Variants in SEPTIN9 observed in about 807,000 individuals in gnomAD.
SEPTIN9 encodes the protein septin-9.
A neutral mutation model predicts 56.6 loss-of-function variants in SEPTIN9; 13 were observed. The observed-to-expected ratio is 0.23, with a 90% CI of 0.15 to 0.37. The LOEUF (loss-of-function observed/expected upper bound fraction) is 0.37, where lower values mean the gene tolerates loss of function less well. Ranked by LOEUF, SEPTIN9 falls within the 10% of genes least tolerant of loss-of-function variation. The probability of loss-of-function intolerance (pLI) is 1.00; values close to 1 mark genes in which losing one functional copy is unlikely to be tolerated. For synonymous variants in SEPTIN9, 332 were observed against 334.1 expected (o/e 0.99, Z 0.07); for missense variants, 650 against 823.1 (o/e 0.79, Z 2.57).
chr17:77,346,303 T>TTTTTTTTTTTTTTTTTC (rs2033893631), intron 2 of SEPTIN9, among the ~76,000 whole-genome samples: 1 of 144,210 alleles, frequency 6.9e-6, no homozygotes, highest in Non-Finnish European at 1.5e-5. Flanking sequence ...TTTTTTTTTT[T>TTTTTTTTTTTTTTTTTC]TTTTACTTCT....
rs569978181 is a variant in SEPTIN9, at chr17:77,355,976, C to G, written c.77-46083C>G. 4.8e-4 allele frequency among the ~76,000 whole-genome samples: 21 copies of G among 44,140 alleles called. 1 individual carries two copies. In the South Asian group the frequency reaches 0.034, roughly 71 times the overall value. The allele number at this position is 44,140 out of a possible 152,430, so 29.0% of individuals were successfully genotyped here. On this transcript the variant is annotated intron_variant, in intron 2 of 11. Coordinates refer to ENST00000427177, the MANE Select transcript of SEPTIN9 (RefSeq NM_001113491.2). ...CAGCCTGGGCGACAGAGCGAGACTC[C>G]GTCTCAAAAAAAAAAAAAAAATGAA...
intron 2 of SEPTIN9, among the ~76,000 whole-genome samples, chr17:77,385,341 G>A (rs542080402): frequency 4.1e-4 from 62 of 152,028 alleles, no homozygotes; most frequent in African/African-American, 1.4e-3. Flanking sequence ...TCCTACAAGA[G>A]GAAAGCCTCC....
chr17:77,295,768 C>T (rs2031782634), intron 1 of SEPTIN9, among the ~76,000 whole-genome samples: 2 of 152,054 alleles, frequency 1.3e-5, no homozygotes, highest in African/African-American at 4.8e-5. Flanking sequence ...ACCTTGTTCC[C>T]GGCACCAGCT....
At chr17:77,491,423 C>G (rs1447723682) in intron 8 of SEPTIN9, among the ~76,000 whole-genome samples, 1 of 151,798 alleles carries the variant, frequency 6.6e-6, no homozygotes, top group Non-Finnish European at 1.5e-5. Flanking sequence ...GTCTCTAACC[C>G]TTGGGCTCAA....
At position 77,405,690 on chromosome 17, in the gene SEPTIN9, C is replaced by T. The variant is rs1478175900; in HGVS notation, c.721+2987C>T. Among the ~76,000 whole-genome samples the T allele has an allele frequency of 1.3e-5, 2 of 152,024 alleles. No individual in the cohort carries two copies. Among genetic ancestry groups the T allele is most frequent in the South Asian group, 2.1e-4 (1 of 4,826 alleles). On this transcript the variant is annotated intron_variant, in intron 3 of 11. Coordinates refer to ENST00000427177, the MANE Select transcript of SEPTIN9 (RefSeq NM_001113491.2). The surrounding 1 kb of genome is among the most constrained non-coding windows in gnomAD (Gnocchi z 5.8). ...TTGAAATCCGATGGGAGTGGCTTCTCGGGGGGCCCAGGCCTGAGCCCCACT... is the reference window on the plus strand; with the variant it reads ...TTGAAATCCGATGGGAGTGGCTTCTTGGGGGGCCCAGGCCTGAGCCCCACT...
intron 2 of SEPTIN9, chr17:77,373,613 C>G: frequency 6.5e-7 from 1 of 1,527,400 alleles, no homozygotes; most frequent in Non-Finnish European, 8.8e-7. Flanking sequence ...GCGGGTGGGC[C>G]TGGCGCGGGA....
intron 2 of SEPTIN9, among the ~76,000 whole-genome samples, chr17:77,322,446 T>G (rs1043384954): frequency 2.0e-5 from 3 of 152,246 alleles, no homozygotes; most frequent in African/African-American, 7.2e-5. Context: ...AAAACGTACA[T>G]TTTTAGAAAC....
chr17:77,474,358 G>A (rs142544362), intron 3 of SEPTIN9, among the ~76,000 whole-genome samples: 7 of 152,356 alleles, frequency 4.6e-5, no homozygotes, highest in Non-Finnish European at 1.0e-4. Context: ...CCCCCAGCCC[G>A]GCCCAGTAGC....
In SEPTIN9 at chr17:77,281,524, C is replaced by T; in HGVS notation, c.-12C>T. On this transcript the variant is annotated 5_prime_UTR_variant, in exon 1 of 12. Coordinates refer to ENST00000427177, the MANE Select transcript of SEPTIN9 (RefSeq NM_001113491.2). Reference sequence around the variant, plus strand: ...GCCACACTTTCCTGGGAGCGGCGGCCACGGAGGCACCATGAAGAAGTCTTA... The same window carrying T: ...GCCACACTTTCCTGGGAGCGGCGGCTACGGAGGCACCATGAAGAAGTCTTA... 6.5e-7 allele frequency: 1 copy of T among 1,548,582 alleles called. No homozygotes were observed. The highest frequency in any genetic ancestry group is 8.7e-7 in the Non-Finnish European group (1 of 1,146,780).
chr17:77,430,126 C>T (rs1364444469), intron 3 of SEPTIN9, among the ~76,000 whole-genome samples: 2 of 152,052 alleles, frequency 1.3e-5, no homozygotes, highest in Non-Finnish European at 2.9e-5. Context: ...GAGACAGGAG[C>T]TGGCCTGGGG....
intron 2 of SEPTIN9, among the ~76,000 whole-genome samples, chr17:77,322,054 C>T (rs755928243): frequency 1.1e-4 from 16 of 152,182 alleles, no homozygotes; most frequent in Non-Finnish European, 1.9e-4. Context: ...CCCAGGAGGA[C>T]GTCACTCCAC....
rs143634331 is a variant in SEPTIN9 at position 77,378,630 on chromosome 17, A to G, written c.77-23429A>G. ...CACTGTATGAATGAGGCCGGACAGC[A>G]TGGTCACCACTAATTATGGAAAGCA... On this transcript the variant is annotated intron_variant, in intron 2 of 11. Coordinates refer to ENST00000427177, the MANE Select transcript of SEPTIN9 (RefSeq NM_001113491.2). Among the ~76,000 whole-genome samples, 166 of 152,320 alleles carry G rather than the reference A, an allele frequency of 1.1e-3. 1 individual carries two copies. The highest frequency in any genetic ancestry group is 3.7e-3 in the African/African-American group (154 of 41,580).
At chr17:77,348,492 G>C (rs1401448208) in intron 2 of SEPTIN9, among the ~76,000 whole-genome samples, 1 of 151,888 alleles carries the variant, frequency 6.6e-6, no homozygotes, top group Non-Finnish European at 1.5e-5. Context: ...TAAAGACGGG[G>C]TTTCACCATG....
chr17:77,362,857 A>G (rs114518698), intron 2 of SEPTIN9, among the ~76,000 whole-genome samples: 1,614 of 152,298 alleles, frequency 0.011, 26 homozygotes, highest in African/African-American at 0.037. Context: ...AAGGCTTCCT[A>G]GAAGAAGCAG....
chr17:77,439,690 T>G (rs942874046), intron 3 of SEPTIN9, among the ~76,000 whole-genome samples: 1 of 152,188 alleles, frequency 6.6e-6, no homozygotes, highest in African/African-American at 2.4e-5. Context: ...TGGTTGGTGC[T>G]TCATGGCACT....
At chr17:77,459,841 A>T (rs1234536642) in intron 3 of SEPTIN9, among the ~76,000 whole-genome samples, 1 of 151,998 alleles carries the variant, frequency 6.6e-6, no homozygotes, top group Non-Finnish European at 1.5e-5. Context: ...GCGCCCGGCT[A>T]ATTTTTTTGT....
At chr17:77,426,734 C>T (rs2036928144) in intron 3 of SEPTIN9, among the ~76,000 whole-genome samples, 1 of 152,190 alleles carries the variant, frequency 6.6e-6, no homozygotes, top group Non-Finnish European at 1.5e-5. Context: ...CTGTGGGTGG[C>T]TTTCTATGGG....
intron 3 of SEPTIN9, among the ~76,000 whole-genome samples, chr17:77,481,463 C>T (rs2039453095): frequency 6.6e-6 from 1 of 152,090 alleles, no homozygotes; most frequent in South Asian, 2.1e-4. Context: ...CTGCACCCAG[C>T]ACTTTTCCTT....
rs897866012 is a variant in SEPTIN9 at position 77,307,030 on chromosome 17, C to T, written c.20-111C>T. ...CCCCAGATGGGCCCCGTTTCTGGCT[C>T]TGGAACTCACAGCAGGAGCAAAGGC... On this transcript the variant is annotated intron_variant, in intron 1 of 11. Coordinates refer to ENST00000427177, the MANE Select transcript of SEPTIN9 (RefSeq NM_001113491.2). The T allele has an allele frequency of 2.8e-6, 3 of 1,053,130 alleles. No individual in the cohort carries two copies. In the African/African-American group the frequency reaches 4.7e-5, roughly 16 times the overall value. 65.2% of individuals were successfully genotyped at this position (1,053,130 alleles called of 1,614,324 possible).
Sources: allele counts gnomAD v4.1 joint callset (sites outside exome capture counted in the v4.1 genomes callset), GRCh38; gene constraint gnomAD v4.1.1; non-coding constraint Gnocchi (gnomAD v3.1); transcripts MANE v1.5; gene names NCBI Gene and HGNC (gene_info 2026-07-23, HGNC 2026-07-21).